Variants in LYN observed in about 807,000 individuals in gnomAD.
LYN encodes the protein LYN proto-oncogene, Src family tyrosine kinase.
A neutral mutation model predicts 65.0 loss-of-function variants in LYN; 12 were observed. That is an observed-to-expected ratio of 0.18 (90% CI 0.12 to 0.30). The LOEUF (loss-of-function observed/expected upper bound fraction) is 0.30. Ranked by LOEUF, LYN falls within the 10% of genes least tolerant of loss-of-function variation. LYN has a pLI of 1.00. For missense variants in LYN, 380 were observed against 623.2 expected, an observed-to-expected ratio of 0.61 and a Z score of 4.16; for synonymous variants, 222 against 221.2, an observed-to-expected ratio of 1.00 and a Z score of -0.03.
rs1808790012 is a variant in LYN at position 56,010,694 on chromosome 8, A to G, written c.*584A>G. On this transcript the variant is annotated 3_prime_UTR_variant, in exon 13 of 13. Coordinates refer to ENST00000519728, the MANE Select transcript of LYN (RefSeq NM_002350.4). Reference sequence around the variant, plus strand: ...TACCTCCCAAAATCTGAGACTGTTAAAACATTTTTCTTCTATGAACACTGC... The same window carrying G: ...TACCTCCCAAAATCTGAGACTGTTAGAACATTTTTCTTCTATGAACACTGC... The G allele has an allele frequency of 4.3e-6, 1 of 233,368 alleles. No individual in the cohort carries two copies. Among genetic ancestry groups the G allele is most frequent in the Non-Finnish European group, 8.5e-6 (1 of 117,976 alleles). 14.5% of individuals were successfully genotyped at this position (233,368 alleles called of 1,614,324 possible).
intron 1 of LYN, among the ~76,000 whole-genome samples, chr8:55,899,633 C>CCTTTTCTTTT (rs752726842): frequency 6.6e-6 from 1 of 152,012 alleles, no homozygotes; most frequent in South Asian, 2.1e-4. Context: ...AGTTATCATC[C>CCTTTTCTTTT]CTTTTCTTTT....
At position 55,966,913 on chromosome 8, in the gene LYN, T is replaced by C; in HGVS notation, c.973+16T>C. 6.2e-7 allele frequency: 1 copy of C among 1,605,666 alleles called. No individual in the cohort carries two copies. Among genetic ancestry groups the C allele is most frequent in the Non-Finnish European group, 8.5e-7 (1 of 1,176,074 alleles). ...ATGGCCAAGGGTGAGTTCCTCCCAC[T>C]GCCCAGAGCTTGCAAGGGCTTCAAA... On this transcript the variant is annotated intron_variant, in intron 9 of 12. Transcript: ENST00000519728.
chr8:55,987,364 G>T (rs1808103327), intron 10 of LYN, among the ~76,000 whole-genome samples: 1 of 151,096 alleles, frequency 6.6e-6, no homozygotes, highest in Non-Finnish European at 1.5e-5. Flanking sequence ...GCCAAGATCA[G>T]GCACTACACT....
chr8:55,933,636 C>T (rs955601615), intron 1 of LYN, among the ~76,000 whole-genome samples: 6 of 152,104 alleles, frequency 3.9e-5, no homozygotes, highest in African/African-American at 1.2e-4. Context: ...GTGGTTTTGT[C>T]GATAATTACA....
At chr8:56,005,613 C>T (rs979202760) in intron 12 of LYN, among the ~76,000 whole-genome samples, 8 of 152,208 alleles carry the variant, frequency 5.3e-5, no homozygotes, top group Non-Finnish European at 1.0e-4. Flanking sequence ...CTCTGGCTGC[C>T]AGATGTCTCT....
chr8:55,921,778 G>T (rs1340208698), intron 1 of LYN, among the ~76,000 whole-genome samples: 2 of 152,172 alleles, frequency 1.3e-5, no homozygotes, highest in African/African-American at 4.8e-5. Context: ...CTGTTGGCAG[G>T]AGTGTTGATA....
intron 8 of LYN, among the ~76,000 whole-genome samples, chr8:55,959,639 A>G (rs1807218557): frequency 6.6e-6 from 1 of 152,178 alleles, no homozygotes; most frequent in African/African-American, 2.4e-5. Flanking sequence ...GTGGATTTAC[A>G]TGCCATTGTG....
intron 1 of LYN, among the ~76,000 whole-genome samples, chr8:55,935,442 C>T (rs571144206): frequency 6.0e-4 from 91 of 152,128 alleles, no homozygotes; most frequent in East Asian, 1.9e-4. Context: ...TAAATAAAGA[C>T]GGTCTGGCTA....
At chr8:55,993,752 C>T (rs1808306071) in intron 10 of LYN, among the ~76,000 whole-genome samples, 2 of 152,176 alleles carry the variant, frequency 1.3e-5, no homozygotes, top group Admixed American at 1.3e-4. Context: ...TATCCATCTA[C>T]CTACCCACCT....
chr8:55,932,621 A>G (rs534893994), intron 1 of LYN, among the ~76,000 whole-genome samples: 2 of 152,292 alleles, frequency 1.3e-5, no homozygotes, highest in East Asian at 3.9e-4. Flanking sequence ...GGGTTTCGCC[A>G]TGTTGGCCAG....
At chr8:55,903,776 G>A (rs1415014594) in intron 1 of LYN, among the ~76,000 whole-genome samples, 5 of 152,194 alleles carry the variant, frequency 3.3e-5, no homozygotes, top group Non-Finnish European at 7.3e-5. Context: ...CACTATGGGA[G>A]GCCAAGGTAG....
intron 1 of LYN, among the ~76,000 whole-genome samples, chr8:55,891,310 C>T (rs904469214): frequency 2.0e-5 from 3 of 150,768 alleles, no homozygotes; most frequent in Admixed American, 6.6e-5. Context: ...CGAGATCCCG[C>T]GACTGCACTC....
At chr8:55,889,011 CT>C (rs1209665450) in intron 1 of LYN, among the ~76,000 whole-genome samples, 2 of 151,952 alleles carry the variant, frequency 1.3e-5, no homozygotes, top group Non-Finnish European at 2.9e-5. Flanking sequence ...ACGTGTATTT[CT>C]TTCTTTATTT....
At chr8:55,927,982 A>G (rs1407487220) in intron 1 of LYN, among the ~76,000 whole-genome samples, 1 of 152,206 alleles carries the variant, frequency 6.6e-6, no homozygotes, top group Non-Finnish European at 1.5e-5. Context: ...TTTTATAAGA[A>G]ACTGCAAGAC....
intron 1 of LYN, among the ~76,000 whole-genome samples, chr8:55,912,032 C>G: frequency 6.6e-6 from 1 of 152,144 alleles, no homozygotes; most frequent in East Asian, 1.9e-4. Context: ...TTTCTCCCAT[C>G]TAGTGTTTCC....
chr8:55,916,245 G>A (rs899256012), intron 1 of LYN, among the ~76,000 whole-genome samples: 6 of 152,068 alleles, frequency 3.9e-5, no homozygotes, highest in South Asian at 2.1e-4. Flanking sequence ...TGTTTTTTGA[G>A]GGGAAAGTGA....
chr8:55,987,602 G>A (rs1305769579), intron 10 of LYN, among the ~76,000 whole-genome samples: 2 of 152,030 alleles, frequency 1.3e-5, no homozygotes, highest in Non-Finnish European at 2.9e-5. Flanking sequence ...TTTTAGTGGA[G>A]ACAGGGTTTC....
At chr8:55,907,723 G>A (rs1805469335) in intron 1 of LYN, among the ~76,000 whole-genome samples, 1 of 152,020 alleles carries the variant, frequency 6.6e-6, no homozygotes, top group African/African-American at 2.4e-5. Context: ...AAAATTAACA[G>A]GACGTGGTGG....
At chr8:55,915,990 A>G (rs1324074690) in intron 1 of LYN, among the ~76,000 whole-genome samples, 1 of 152,236 alleles carries the variant, frequency 6.6e-6, no homozygotes, top group Admixed American at 6.5e-5. Flanking sequence ...AATTAATGGC[A>G]TCTTAATATT....
Sources: gnomAD v4.1 joint callset for allele counts (sites outside exome capture counted in the v4.1 genomes callset) on GRCh38, gnomAD v4.1.1 for gene constraint, MANE v1.5 for transcripts, NCBI Gene and HGNC (gene_info 2026-07-23, HGNC 2026-07-21) for gene names.